ZDHHC2: variants seen among roughly 807,000 people sequenced by gnomAD.
ZDHHC2 encodes the protein zDHHC palmitoyltransferase 2.
ZDHHC2 carries 51 observed loss-of-function variants against 55.6 expected under a neutral mutation model. The ratio of observed to expected loss-of-function variants is 0.92; its 90% CI spans 0.73 to 1.16. ZDHHC2 has a LOEUF of 1.16. ZDHHC2 is among the 50% of genes most tolerant of loss of function. ZDHHC2 has a pLI of 0.00. For synonymous variants in ZDHHC2, 199 were observed against 152.9 expected (o/e 1.30, Z -2.22); for missense variants, 491 against 442.4 (o/e 1.11, Z -0.99).
At chr8:17,195,716 A>G in intron 4 of ZDHHC2, 92 bp downstream of exon 4, 1 of 1,491,414 alleles carries the variant, frequency 6.7e-7, no homozygotes, top group Non-Finnish European at 9.2e-7. Context: ...TGAAATGGTA[A>G]AACACTCATT....
intron 10 of ZDHHC2, among the ~76,000 whole-genome samples, chr8:17,214,880 T>C (rs1449224515): frequency 6.6e-6 from 1 of 152,040 alleles, no homozygotes; most frequent in Non-Finnish European, 1.5e-5. Flanking sequence ...GGCAATAGAG[T>C]GAGATTCTTC....
rs201294546 is a variant in ZDHHC2 at position 17,201,467 on chromosome 8, T to TTC, written c.476+3068_476+3069dup. Among the ~76,000 whole-genome samples the TTC allele has an allele frequency of 1.8e-3, 177 of 100,726 alleles. 1 individual carries two copies. Among genetic ancestry groups the TTC allele is most frequent in the Admixed American group, 0.012 (88 of 7,334 alleles). 66.1% of individuals were successfully genotyped at this position (100,726 alleles called of 152,430 possible). On this transcript the variant is annotated intron_variant, in intron 6 of 12. Transcript: ENST00000262096. Reference sequence around the variant, plus strand: ...TGTTTTCAGACCCAGGGGCAGCCTTTTCTCTCTCTCTCTCTTTTTTTTTTT... The same window carrying TTC: ...TGTTTTCAGACCCAGGGGCAGCCTTTTCTCTCTCTCTCTCTCTTTTTTTTTTT...
intron 1 of ZDHHC2, among the ~76,000 whole-genome samples, chr8:17,182,131 A>G (rs989788068): frequency 2.0e-5 from 3 of 152,184 alleles, no homozygotes; most frequent in African/African-American, 7.2e-5. Context: ...TAATTTGCAA[A>G]CTTTGATAAT....
At chr8:17,180,095 A>G (rs772891947) in intron 1 of ZDHHC2, among the ~76,000 whole-genome samples, 7 of 152,232 alleles carry the variant, frequency 4.6e-5, no homozygotes, top group South Asian at 2.1e-4. Flanking sequence ...AATAATAGCA[A>G]TGCTTTTAAT....
At chr8:17,182,276 C>T (rs569460871) in intron 1 of ZDHHC2, among the ~76,000 whole-genome samples, 11 of 152,162 alleles carry the variant, frequency 7.2e-5, no homozygotes, top group African/African-American at 2.4e-4. Flanking sequence ...AAAAGGCTCT[C>T]AGTAACTAAG....
chr8:17,177,445 T>G (rs1353079907), intron 1 of ZDHHC2, among the ~76,000 whole-genome samples: 1 of 152,240 alleles, frequency 6.6e-6, no homozygotes, highest in Non-Finnish European at 1.5e-5. Flanking sequence ...TATTAAAGCA[T>G]AAAGTATTTT....
At chr8:17,193,154 T>C (rs1806119064) in intron 3 of ZDHHC2, among the ~76,000 whole-genome samples, 1 of 152,242 alleles carries the variant, frequency 6.6e-6, no homozygotes, top group African/African-American at 2.4e-5. Context: ...TCTGGGTCTT[T>C]TGTGATTCCA....
intron 3 of ZDHHC2, among the ~76,000 whole-genome samples, chr8:17,191,654 T>C (rs946851169): frequency 1.1e-4 from 16 of 152,216 alleles, no homozygotes; most frequent in African/African-American, 3.6e-4. Flanking sequence ...TCTCATTCTT[T>C]GTTTTGTGGC....
At chr8:17,191,101 A>T (rs989858719) in intron 3 of ZDHHC2, among the ~76,000 whole-genome samples, 1 of 151,700 alleles carries the variant, frequency 6.6e-6, no homozygotes, top group Admixed American at 6.6e-5. Context: ...AGCTGGGATT[A>T]CAAGTGCCTG....
At chr8:17,172,161 C>T (rs1804886140) in intron 1 of ZDHHC2, among the ~76,000 whole-genome samples, 1 of 152,160 alleles carries the variant, frequency 6.6e-6, no homozygotes, top group Admixed American at 6.5e-5. Flanking sequence ...ATCCTTTTAA[C>T]TTTTTTGCCT....
Position 17,195,636 on chromosome 8 carries a change from T to A in ZDHHC2, c.373+12T>A. 1 of 1,613,620 alleles carries A rather than the reference T, an allele frequency of 6.2e-7. No homozygotes were observed. Among genetic ancestry groups the A allele is most frequent in the Non-Finnish European group, 8.5e-7 (1 of 1,179,646 alleles). On this transcript the variant is annotated intron_variant, in intron 4 of 12. Transcript: ENST00000262096. ...GACCATGTCTGGAGGTAAATGTTGA[T>A]AATGAGTGCTTTGCAATGGTATGCA...
At chr8:17,215,959 G>A (rs910305942) in intron 11 of ZDHHC2, among the ~76,000 whole-genome samples, 1 of 152,198 alleles carries the variant, frequency 6.6e-6, no homozygotes, top group Non-Finnish European at 1.5e-5. Flanking sequence ...GGTGTGATAT[G>A]TGTCACGTTA....
chr8:17,199,457 T>C (rs1300771164), intron 6 of ZDHHC2, among the ~76,000 whole-genome samples: 3 of 128,408 alleles, frequency 2.3e-5, no homozygotes, highest in African/African-American at 1.0e-4. Context: ...CCCAGTGTCT[T>C]TAATAAGACT....
Position 17,205,794 on chromosome 8 carries a change from A to G in ZDHHC2, c.597+19A>G, listed in dbSNP as rs1807069879. Reference sequence around the variant, plus strand: ...TTGGACAGTAAGTCATTAACTTGGTAACTCTTTTTTTGGTATACAATAATA... The same window carrying G: ...TTGGACAGTAAGTCATTAACTTGGTGACTCTTTTTTTGGTATACAATAATA... On this transcript the variant is annotated intron_variant, in intron 7 of 12. Transcript: ENST00000262096. The G allele has an allele frequency of 6.3e-7, 1 of 1,586,734 alleles. No individual in the cohort carries two copies. The highest frequency in any genetic ancestry group is 1.2e-5 in the South Asian group (1 of 85,112).
intron 12 of ZDHHC2, among the ~76,000 whole-genome samples, chr8:17,219,289 A>G (rs1332064209): frequency 1.3e-5 from 2 of 151,270 alleles, no homozygotes; most frequent in South Asian, 4.2e-4. Context: ...CAGAAAAAAA[A>G]CACTTCATAT....
rs1254176612 is a variant in ZDHHC2 at position 17,223,726 on chromosome 8, T to G, written c.*3505T>G. On this transcript the variant is annotated 3_prime_UTR_variant, in exon 13 of 13. Coordinates refer to ENST00000262096, the MANE Select transcript of ZDHHC2 (RefSeq NM_016353.5). ...AGTAGAAGCCAACATTAACCTAGATTTTACAACTGAGCAATCTGTTCCCCA... is the reference window on the plus strand; with the variant it reads ...AGTAGAAGCCAACATTAACCTAGATGTTACAACTGAGCAATCTGTTCCCCA... 1 of 151,816 alleles carries G rather than the reference T, an allele frequency of 6.6e-6. No homozygotes were observed. Among genetic ancestry groups the G allele is most frequent in the Non-Finnish European group, 1.5e-5 (1 of 67,766 alleles). 9.4% of individuals were successfully genotyped at this position (151,816 alleles called of 1,614,324 possible).
intron 8 of ZDHHC2, among the ~76,000 whole-genome samples, chr8:17,208,561 C>T (rs149522774): frequency 5.7e-4 from 87 of 152,084 alleles, no homozygotes; most frequent in Non-Finnish European, 1.1e-3. Flanking sequence ...ACCACACATG[C>T]TGATGATCAT....
intron 2 of ZDHHC2, among the ~76,000 whole-genome samples, chr8:17,185,610 G>A (rs974018834): frequency 2.4e-4 from 37 of 152,168 alleles, no homozygotes; most frequent in Non-Finnish European, 1.6e-4. Context: ...GGCGGAGGTG[G>A]CAGTGAGCCA....
At chr8:17,203,309 C>T (rs1402019157) in intron 6 of ZDHHC2, among the ~76,000 whole-genome samples, 2 of 152,148 alleles carry the variant, frequency 1.3e-5, no homozygotes, top group African/African-American at 4.8e-5. Flanking sequence ...TGCAGTGGTG[C>T]AATCTCAGCC....
Sources: gnomAD v4.1 joint callset for allele counts (sites outside exome capture counted in the v4.1 genomes callset) on GRCh38, gnomAD v4.1.1 for gene constraint, MANE v1.5 for transcripts, NCBI Gene and HGNC (gene_info 2026-07-23, HGNC 2026-07-21) for gene names.